The following COL4A3 variants were observed in gnomAD, a reference collection of about 807,000 sequenced individuals.
COL4A3 encodes collagen alpha-3(IV) chain.
A neutral mutation model predicts 217.4 loss-of-function variants in COL4A3; 135 were observed. That is an observed-to-expected ratio of 0.62 (90% confidence interval 0.54 to 0.72). COL4A3 has a LOEUF of 0.72. COL4A3 is among the 30% of genes least tolerant of loss of function. The pLI is 0.00. For missense variants in COL4A3, 1,868 were observed against 2,119.9 expected, an observed-to-expected ratio of 0.88 and a Z score of 2.33; for synonymous variants, 690 against 736.3, an observed-to-expected ratio of 0.94 and a Z score of 1.02.
chr2:227,305,310 C>T (rs993701935), intron 47 of COL4A3: 2 of 500,742 alleles, frequency 4.0e-6, no homozygotes, highest in African/African-American at 3.9e-5. Context: ...CAAACTGATG[C>T]ACAGTTTAGC....
intron 1 of COL4A3, among the ~76,000 whole-genome samples, chr2:227,193,179 A>G (rs1411198515): frequency 6.6e-6 from 1 of 152,230 alleles, no homozygotes; most frequent in Non-Finnish European, 1.5e-5. Flanking sequence ...TAGAATATTT[A>G]TAAAAATGGA....
At chr2:227,255,892 C>T in intron 15 of COL4A3, 134 bp from the exon 16 acceptor site, 1 of 852,576 alleles carries the variant, frequency 1.2e-6, no homozygotes, top group South Asian at 1.5e-5. Flanking sequence ...CCTTCTAACA[C>T]CTGGGTGAAG....
intron 20 of COL4A3, among the ~76,000 whole-genome samples, chr2:227,262,328 C>A (rs1051862658): frequency 7.9e-5 from 12 of 151,930 alleles, no homozygotes; most frequent in South Asian, 2.1e-4. Flanking sequence ...AACAAACAAA[C>A]AAAAAAACAG....
chr2:227,232,848 A>C (rs980920040), intron 1 of COL4A3, among the ~76,000 whole-genome samples: 3 of 152,210 alleles, frequency 2.0e-5, no homozygotes, highest in African/African-American at 7.2e-5. Flanking sequence ...GTTTATGTAA[A>C]AATAAGGTTG....
intron 1 of COL4A3, among the ~76,000 whole-genome samples, chr2:227,212,224 T>C (rs1312385483): frequency 2.6e-5 from 4 of 152,108 alleles, no homozygotes; most frequent in Non-Finnish European, 5.9e-5. Flanking sequence ...ATATTGCAAA[T>C]ACATCACAGT....
chr2:227,242,529 C>G (rs998817644), intron 3 of COL4A3, among the ~76,000 whole-genome samples: 1 of 152,158 alleles, frequency 6.6e-6, no homozygotes, highest in Non-Finnish European at 1.5e-5. Flanking sequence ...GCAGCTGGAG[C>G]TCAAAGTTTC....
intron 1 of COL4A3, among the ~76,000 whole-genome samples, chr2:227,223,958 T>C (rs563194599): frequency 2.5e-4 from 38 of 152,302 alleles, no homozygotes; most frequent in African/African-American, 8.9e-4. Flanking sequence ...CTCTTCTCCA[T>C]AGTGAGCTCC....
chr2:227,251,939 C>T (rs1362344480), intron 11 of COL4A3, among the ~76,000 whole-genome samples: 1 of 151,570 alleles, frequency 6.6e-6, no homozygotes, highest in African/African-American at 2.4e-5. Flanking sequence ...CATGGTGGTG[C>T]ATGCCTGTAA....
chr2:227,282,564 T>C lies in COL4A3; in HGVS notation c.2656+32T>C, dbSNP rs772520408. On this transcript the variant is annotated intron_variant, in intron 32 of 51. Coordinates refer to ENST00000396578, the MANE Select transcript of COL4A3 (RefSeq NM_000091.5). This position sits in a 1 kb window ranked among gnomAD's most constrained non-coding sequence, Gnocchi z 4.4. ...TTTTGTGTGTTTCTATTTTTCTTCT[T>C]ATTTCTTCTTCTTCTTAAGGTGGCT... The C allele has an allele frequency of 6.9e-6, 11 of 1,602,482 alleles. No individual in the cohort carries two copies. Among genetic ancestry groups the C allele is most frequent in the Admixed American group, 1.7e-5 (1 of 59,934 alleles).
intron 6 of COL4A3, 74 bp downstream of exon 6, chr2:227,246,090 A>G (rs1170190462): frequency 1.7e-5 from 20 of 1,174,934 alleles, no homozygotes; most frequent in Non-Finnish European, 2.3e-5. Flanking sequence ...AATGGCAATG[A>G]AAGGCAGACA....
chr2:227,246,815 A>T, intron 7 of COL4A3, 77 bp downstream of exon 7: 1 of 1,238,852 alleles, frequency 8.1e-7, no homozygotes, highest in Non-Finnish European at 1.2e-6. Flanking sequence ...GGCCATATAC[A>T]CAAATCCGTC....
chr2:227,257,778 C>T, intron 18 of COL4A3, 134 bp downstream of exon 18: 1 of 819,808 alleles, frequency 1.2e-6, no homozygotes, highest in Non-Finnish European at 2.1e-6. Context: ...CAAACCAGGG[C>T]AGAAAATAGC....
At chr2:227,183,111 A>T (rs2065908825) in intron 1 of COL4A3, among the ~76,000 whole-genome samples, 1 of 152,224 alleles carries the variant, frequency 6.6e-6, no homozygotes, top group African/African-American at 2.4e-5. Context: ...CTATGTTGTT[A>T]TAAGCTCTTT....
rs906481850 is a variant in COL4A3, at chr2:227,245,069, G to A, written c.324+74G>A. 1.4e-5 allele frequency: 19 copies of A among 1,387,248 alleles called. No homozygotes were observed. The East Asian group carries it at 2.1e-4, about 15-fold the overall frequency. The allele number at this position is 1,387,248 out of a possible 1,614,324, so 85.9% of individuals were successfully genotyped here. The stretch of plus-strand genomic sequence containing the variant: ...TTTTAATAAAGATGTTAAAACAGTC[G>A]TGCAAGAAAATGTGTTCTGATGCAT... On this transcript the variant is annotated intron_variant, in intron 5 of 51. Transcript: ENST00000396578.
intron 3 of COL4A3, among the ~76,000 whole-genome samples, chr2:227,243,328 A>C (rs62277852): frequency 0.1 from 15,681 of 152,288 alleles, 982 homozygotes; most frequent in Admixed American, 0.18. Flanking sequence ...GCAGACAATT[A>C]GAGAATATTA....
At chr2:227,205,757 T>C (rs2067078430) in intron 1 of COL4A3, among the ~76,000 whole-genome samples, 1 of 151,996 alleles carries the variant, frequency 6.6e-6, no homozygotes, top group Admixed American at 6.6e-5. Flanking sequence ...TCTTAAACAT[T>C]TCCTGAGCTT....
At chr2:227,309,654 T>A (rs1379607561) in intron 50 of COL4A3, among the ~76,000 whole-genome samples, 3 of 152,158 alleles carry the variant, frequency 2.0e-5, no homozygotes, top group Non-Finnish European at 4.4e-5. Flanking sequence ...CAGGCTGGAG[T>A]GCAGTGGAGT....
chr2:227,237,080 G>A (rs1239007243), intron 1 of COL4A3, among the ~76,000 whole-genome samples: 1 of 152,190 alleles, frequency 6.6e-6, no homozygotes, highest in Non-Finnish European at 1.5e-5. Context: ...GTGAGGGCTG[G>A]GGGGTAAGTG....
rs188196196 is a variant in COL4A3 at position 227,239,686 on chromosome 2, G to A, written c.145-457G>A. ...CTAACTCCTGTGTATTAAAGAAAGG[G>A]CTCAGACTCATAACCTGCCTGGTGG... On this transcript the variant is annotated intron_variant, in intron 2 of 51. Coordinates refer to ENST00000396578, the MANE Select transcript of COL4A3 (RefSeq NM_000091.5). 9.2e-5 allele frequency among the ~76,000 whole-genome samples: 14 copies of A among 152,202 alleles called. No individual in the cohort carries two copies. The East Asian group carries it at 2.7e-3, about 29-fold the overall frequency.
Sources: allele counts gnomAD v4.1 joint callset (sites outside exome capture counted in the v4.1 genomes callset), GRCh38; gene constraint gnomAD v4.1.1; non-coding constraint Gnocchi (gnomAD v3.1); transcripts MANE v1.5; gene names NCBI Gene and HGNC (gene_info 2026-07-23, HGNC 2026-07-21).